Variants in MKLN1 observed in about 807,000 individuals in gnomAD.
MKLN1 encodes the protein muskelin.
MKLN1 carries 18 observed loss-of-function variants against 99.0 expected under a neutral mutation model. The observed-to-expected ratio is 0.18, with a 90% CI of 0.13 to 0.27. MKLN1 has a LOEUF of 0.27. Among genes scored for constraint, MKLN1 ranks in the 10% least tolerant of loss-of-function variants. MKLN1 has a pLI of 1.00. For missense variants in MKLN1, 621 were observed against 875.9 expected, an observed-to-expected ratio of 0.71 and a Z score of 3.67; for synonymous variants, 288 against 293.2, an observed-to-expected ratio of 0.98 and a Z score of 0.18.
chr7:131,344,681 G>C (rs1201498186), intron 1 of MKLN1, among the ~76,000 whole-genome samples: 2 of 152,210 alleles, frequency 1.3e-5, no homozygotes, highest in Non-Finnish European at 2.9e-5. Flanking sequence ...CCTCAAAAGT[G>C]TGGTCTATTC....
chr7:131,298,337 C>G (rs1003888223), intron 3 of MKLN1, among the ~76,000 whole-genome samples: 23 of 152,106 alleles, frequency 1.5e-4, no homozygotes, highest in African/African-American at 5.3e-4. Context: ...TGCCAAGGTG[C>G]TTGGATGATT....
chr7:131,466,677 A>G (rs1468279419), intron 15 of MKLN1, among the ~76,000 whole-genome samples: 2 of 152,236 alleles, frequency 1.3e-5, no homozygotes, highest in Non-Finnish European at 2.9e-5. Flanking sequence ...TGACATGCCT[A>G]CATTGAAGTA....
At chr7:131,152,832 T>C (rs1795907988) in intron 2 of MKLN1, among the ~76,000 whole-genome samples, 1 of 152,080 alleles carries the variant, frequency 6.6e-6, no homozygotes, top group South Asian at 2.1e-4. Context: ...AGTTGGTTGA[T>C]ATGTCCCTTA....
chr7:131,395,400 T>C (rs549442631), intron 4 of MKLN1, among the ~76,000 whole-genome samples: 17 of 151,970 alleles, frequency 1.1e-4, no homozygotes, highest in South Asian at 2.1e-4. Context: ...AGATGTGTAC[T>C]TGATGGGAAT....
At position 131,171,854 on chromosome 7, in the gene MKLN1, A is replaced by T. The variant is rs144186717; in HGVS notation, c.-297+28913A>T. On this transcript the variant is annotated intron_variant, in intron 2 of 7. Coordinates refer to the MKLN1 transcript ENST00000416992. ...AAGAACAGATAGAACTTGGGTTTGT[A>T]GAGCAAAAGAAAGAGGATATTTTAG... is the stretch of plus-strand genomic sequence containing the variant. 5.3e-4 allele frequency among the ~76,000 whole-genome samples: 81 copies of T among 152,352 alleles called. 1 individual carries two copies. The East Asian group carries it at 0.015, about 28-fold the overall frequency.
chr7:131,210,667 C>T (rs576539662), intron 3 of MKLN1, among the ~76,000 whole-genome samples: 21 of 119,404 alleles, frequency 1.8e-4, no homozygotes, highest in African/African-American at 6.6e-4. Flanking sequence ...TGTGCCACTG[C>T]ACTCCAGCCT....
intron 6 of MKLN1, among the ~76,000 whole-genome samples, chr7:131,405,755 C>G (rs1450826130): frequency 2.0e-5 from 3 of 152,052 alleles, no homozygotes; most frequent in African/African-American, 7.2e-5. Flanking sequence ...TTAGTGATTT[C>G]TGGCATAATT....
At chr7:131,146,424 C>T (rs1241113414) in intron 2 of MKLN1, among the ~76,000 whole-genome samples, 2 of 152,184 alleles carry the variant, frequency 1.3e-5, no homozygotes, top group Non-Finnish European at 2.9e-5. Flanking sequence ...GAGATCCTAT[C>T]ACTCTAATGA....
chr7:131,341,623 T>C (rs944622106), intron 1 of MKLN1, among the ~76,000 whole-genome samples: 4 of 152,230 alleles, frequency 2.6e-5, no homozygotes, highest in African/African-American at 9.6e-5. Context: ...AGGACTGACT[T>C]TGTGCAAGGC....
At chr7:131,294,081 A>G (rs529588304) in intron 3 of MKLN1, among the ~76,000 whole-genome samples, 1 of 152,256 alleles carries the variant, frequency 6.6e-6, no homozygotes, top group Admixed American at 6.5e-5. Flanking sequence ...GCACTGGACT[A>G]GAGAAACGGA....
chr7:131,390,563 AAAT>A (rs1401689393), intron 4 of MKLN1, among the ~76,000 whole-genome samples: 1 of 152,270 alleles, frequency 6.6e-6, no homozygotes, highest in East Asian at 1.9e-4. Context: ...TATAATTGAC[AAAT>A]AATAATTATA....
chr7:131,143,168 A>G (rs938764634), intron 2 of MKLN1, among the ~76,000 whole-genome samples: 20 of 152,222 alleles, frequency 1.3e-4, no homozygotes, highest in African/African-American at 4.6e-4. Context: ...CCTCTGTTTC[A>G]TGAGTATTTA....
chr7:131,211,507 T>C (rs965038167), intron 3 of MKLN1, among the ~76,000 whole-genome samples: 1 of 152,222 alleles, frequency 6.6e-6, no homozygotes, highest in Non-Finnish European at 1.5e-5. Flanking sequence ...TATCATATTC[T>C]GCTTTTGTGC....
chr7:131,238,254 T>C (rs1797353667), intron 3 of MKLN1, among the ~76,000 whole-genome samples: 1 of 152,226 alleles, frequency 6.6e-6, no homozygotes, highest in Admixed American at 6.5e-5. Flanking sequence ...GGATGATGGA[T>C]ATTAGCTTCA....
At chr7:131,289,603 T>C (rs1337399049) in intron 3 of MKLN1, among the ~76,000 whole-genome samples, 1 of 152,200 alleles carries the variant, frequency 6.6e-6, no homozygotes, top group East Asian at 1.9e-4. Context: ...CATGCATCAC[T>C]AGAGACAGAC....
rs573477474 is a variant in MKLN1, at chr7:131,422,739, G to T, written c.848-6294G>T. 5.0e-4 allele frequency among the ~76,000 whole-genome samples: 74 copies of T among 147,858 alleles called. No homozygotes were observed. The East Asian group carries it at 0.014, about 27-fold the overall frequency. ...TTGTTTTCTTTTTTTAGTCTGTAGG[G>T]TTTTTTTTTTCCCATATTGCTGTCT... On this transcript the variant is annotated intron_variant, in intron 8 of 17. Coordinates refer to ENST00000352689, the MANE Select transcript of MKLN1 (RefSeq NM_013255.5).
At chr7:131,227,495 C>CTCCTTCTTTCTTTCTT (rs796728086) in intron 3 of MKLN1, among the ~76,000 whole-genome samples, 13 of 115,708 alleles carry the variant, frequency 1.1e-4, no homozygotes, top group Admixed American at 3.1e-4. Context: ...CTCTTTCTTT[C>CTCCTTCTTTCTTTCTT]TCTTTCTTTC....
At chr7:131,193,311 T>C (rs1796593855) in intron 2 of MKLN1, among the ~76,000 whole-genome samples, 1 of 152,210 alleles carries the variant, frequency 6.6e-6, no homozygotes, top group African/African-American at 2.4e-5. Flanking sequence ...TTACAACCTA[T>C]AGTCAACCCA....
chr7:131,416,999 A>AAC (rs1406757296), intron 8 of MKLN1, among the ~76,000 whole-genome samples: 2 of 151,392 alleles, frequency 1.3e-5, no homozygotes, highest in Non-Finnish European at 2.9e-5. Context: ...AAAAAAAAAA[A>AAC]AAAACTCAAA....
Sources: allele counts gnomAD v4.1 joint callset (sites outside exome capture counted in the v4.1 genomes callset), GRCh38; gene constraint gnomAD v4.1.1; transcripts MANE v1.5; gene names NCBI Gene and HGNC (gene_info 2026-07-23, HGNC 2026-07-21).